Variants in GRIA1 observed in about 807,000 individuals in gnomAD.
GRIA1 encodes the protein glutamate ionotropic receptor AMPA type subunit 1, also known as glutamate receptor 1.
In GRIA1, 31 loss-of-function variants were observed where a neutral mutation model predicts 99.2. That is an observed-to-expected ratio of 0.31 (90% CI 0.23 to 0.42). The LOEUF (loss-of-function observed/expected upper bound fraction) is 0.42, where lower values mean the gene tolerates loss of function less well. Ranked by LOEUF, GRIA1 falls within the 10% of genes least tolerant of loss-of-function variation. The pLI is 1.00. For synonymous variants in GRIA1, 438 were observed against 432.4 expected (o/e 1.01, Z -0.16); for missense variants, 782 against 1,157.5 (o/e 0.68, Z 4.71).
chr5:153,718,874 G>A (rs1208410387), intron 11 of GRIA1, among the ~76,000 whole-genome samples: 1 of 152,146 alleles, frequency 6.6e-6, no homozygotes, highest in Non-Finnish European at 1.5e-5. Context: ...CAGATGCAGT[G>A]TTATGACTGG....
chr5:153,554,443 G>A (rs370268533), intron 2 of GRIA1, among the ~76,000 whole-genome samples: 4 of 152,108 alleles, frequency 2.6e-5, no homozygotes, highest in South Asian at 4.1e-4. Context: ...CAGAGATTCC[G>A]AGTCAGTAAA....
chr5:153,572,128 C>T lies in GRIA1; in HGVS notation c.221-74800C>T, dbSNP rs183917342. Reference sequence around the variant, plus strand: ...TATACGATTGTTTAATCCAAGGTGGCTCCTATAAATCCTTTTTGAAATGTT... The same window carrying T: ...TATACGATTGTTTAATCCAAGGTGGTTCCTATAAATCCTTTTTGAAATGTT... On this transcript the variant is annotated intron_variant, in intron 2 of 15. Transcript: ENST00000285900. Among the ~76,000 whole-genome samples, 12 of 152,296 alleles carry T rather than the reference C, an allele frequency of 7.9e-5. No individual in the cohort carries two copies. In the East Asian group the frequency reaches 1.9e-3, roughly 24 times the overall value.
intron 12 of GRIA1, among the ~76,000 whole-genome samples, chr5:153,769,158 G>A (rs1255627020): frequency 1.3e-5 from 2 of 152,338 alleles, no homozygotes; most frequent in Non-Finnish European, 2.9e-5. Flanking sequence ...GCCCCAGGCA[G>A]TGTGTCCCAT....
chr5:153,501,618 A>G (rs2113243725), intron 2 of GRIA1, among the ~76,000 whole-genome samples: 1 of 152,376 alleles, frequency 6.6e-6, no homozygotes. Context: ...GATGCTTGAT[A>G]GTACTTTGCC....
intron 8 of GRIA1, among the ~76,000 whole-genome samples, chr5:153,697,124 A>G (rs1281432508): frequency 6.6e-6 from 1 of 152,172 alleles, no homozygotes; most frequent in Non-Finnish European, 1.5e-5. Context: ...GGTCCAGACC[A>G]TTCATCTCTC....
intron 13 of GRIA1, among the ~76,000 whole-genome samples, chr5:153,790,235 G>A (rs1037192775): frequency 3.0e-4 from 46 of 152,162 alleles, no homozygotes; most frequent in African/African-American, 1.0e-3. Flanking sequence ...GAATACCCAC[G>A]TATTCTCTGA....
chr5:153,555,082 C>T (rs1760498383), intron 2 of GRIA1, among the ~76,000 whole-genome samples: 1 of 152,102 alleles, frequency 6.6e-6, no homozygotes, highest in Admixed American at 6.6e-5. Flanking sequence ...TAGGCATTTT[C>T]TTAGCATACA....
chr5:153,599,117 C>T (rs1764672068), intron 2 of GRIA1, among the ~76,000 whole-genome samples: 2 of 152,098 alleles, frequency 1.3e-5, no homozygotes, highest in African/African-American at 4.8e-5. Context: ...CTCCTGACCT[C>T]GTGATCCACC....
intron 2 of GRIA1, among the ~76,000 whole-genome samples, chr5:153,629,709 A>G (rs1211943242): frequency 6.6e-6 from 1 of 152,214 alleles, no homozygotes; most frequent in Non-Finnish European, 1.5e-5. Context: ...TAGGATCCTC[A>G]TCTTGGAAAT....
intron 2 of GRIA1, among the ~76,000 whole-genome samples, chr5:153,546,164 T>G (rs537714185): frequency 2.0e-5 from 3 of 152,248 alleles, no homozygotes; most frequent in Non-Finnish European, 4.4e-5. Flanking sequence ...ATGATTGACC[T>G]ATGTTGAAAG....
At chr5:153,802,715 G>C (rs1444401425) in intron 15 of GRIA1, among the ~76,000 whole-genome samples, 1 of 152,126 alleles carries the variant, frequency 6.6e-6, no homozygotes, top group African/African-American at 2.4e-5. Context: ...GAAAAAAATT[G>C]CATTTGCCAG....
At chr5:153,777,487 T>A (rs1445316435) in intron 13 of GRIA1, among the ~76,000 whole-genome samples, 1 of 152,098 alleles carries the variant, frequency 6.6e-6, no homozygotes, top group African/African-American at 2.4e-5. Flanking sequence ...GGAATAATAA[T>A]TTTGTGCAGC....
intron 2 of GRIA1, among the ~76,000 whole-genome samples, chr5:153,552,653 C>G (rs1364487255): frequency 6.6e-6 from 1 of 151,982 alleles, no homozygotes; most frequent in Non-Finnish European, 1.5e-5. Context: ...CATCTAAGAA[C>G]CAGTACCTTG....
At chr5:153,675,443 T>A (rs1027026724) in intron 6 of GRIA1, among the ~76,000 whole-genome samples, 8 of 152,230 alleles carry the variant, frequency 5.3e-5, no homozygotes, top group Non-Finnish European at 1.2e-4. Context: ...CAAAATCTAT[T>A]TTGTTTGTTA....
intron 2 of GRIA1, among the ~76,000 whole-genome samples, chr5:153,598,896 A>G (rs1764648042): frequency 6.6e-6 from 1 of 152,002 alleles, no homozygotes; most frequent in Non-Finnish European, 1.5e-5. Context: ...ATTTTATTTT[A>G]TTTGAGACAG....
intron 8 of GRIA1, among the ~76,000 whole-genome samples, chr5:153,695,810 C>T (rs530958269): frequency 6.6e-5 from 10 of 152,278 alleles, no homozygotes; most frequent in East Asian, 3.9e-4. Context: ...ACATGCTCCC[C>T]GTCAGACCTC....
At chr5:153,807,788 G>C (rs1435178615) in intron 15 of GRIA1, among the ~76,000 whole-genome samples, 1 of 152,204 alleles carries the variant, frequency 6.6e-6, no homozygotes, top group Non-Finnish European at 1.5e-5. Flanking sequence ...CAAACAGACT[G>C]GCTCCTGAAT....
chr5:153,719,120 A>C (rs1258196527), intron 11 of GRIA1, among the ~76,000 whole-genome samples: 1 of 152,136 alleles, frequency 6.6e-6, no homozygotes, highest in Non-Finnish European at 1.5e-5. Context: ...AGAGTGATGG[A>C]TATTGGCTTT....
intron 13 of GRIA1, among the ~76,000 whole-genome samples, chr5:153,778,651 C>CCACACACA (rs57534899): frequency 1.2e-4 from 18 of 147,392 alleles, no homozygotes; most frequent in South Asian, 2.2e-4. Flanking sequence ...TCACCCCCCA[C>CCACACACA]CACACACACA....
Sources: allele counts gnomAD v4.1 joint callset (sites outside exome capture counted in the v4.1 genomes callset), GRCh38; gene constraint gnomAD v4.1.1; transcripts MANE v1.5; gene names NCBI Gene and HGNC (gene_info 2026-07-23, HGNC 2026-07-21).